The following NRXN3 variants were observed in gnomAD, a reference collection of about 807,000 sequenced individuals.
NRXN3 encodes neurexin 3.
NRXN3 carries 32 observed loss-of-function variants against 137.6 expected under a neutral mutation model. That is an observed-to-expected ratio of 0.23 (90% CI 0.18 to 0.31). NRXN3 has a LOEUF of 0.31. Among genes scored for constraint, NRXN3 ranks in the 10% least tolerant of loss-of-function variants. The probability of loss-of-function intolerance (pLI) is 1.00; values close to 1 mark genes in which losing one functional copy is unlikely to be tolerated. For missense variants in NRXN3, 1,574 were observed against 2,062.5 expected (o/e 0.76, Z 4.59); for synonymous variants, 798 against 784.5 (o/e 1.02, Z -0.29).
chr14:78,892,701 A>C (rs2099162563), intron 10 of NRXN3, among the ~76,000 whole-genome samples: 1 of 150,762 alleles, frequency 6.6e-6, no homozygotes, highest in South Asian at 2.1e-4. Context: ...GAATCATGTT[A>C]TCTCTGCTCT....
intron 4 of NRXN3, among the ~76,000 whole-genome samples, chr14:78,419,985 A>AG (rs2093366214): frequency 3.5e-5 from 1 of 28,806 alleles, no homozygotes; most frequent in South Asian, 1.4e-3. Flanking sequence ...ACACACACAC[A>AG]CGTAAAGTCC....
rs923540457 is a variant in NRXN3, at chr14:78,849,578, A to G, written c.2275+39234A>G. Among the ~76,000 whole-genome samples the G allele has an allele frequency of 1.1e-4, 17 of 152,156 alleles. 1 individual carries two copies. Among genetic ancestry groups the G allele is most frequent in the Admixed American group, 8.5e-4 (13 of 15,258 alleles). ...CATAAGTTTACATCTTACGCTAAAA[A>G]TGTTGTTTAAATTTAGTTCAAAATG... On this transcript the variant is annotated intron_variant, in intron 10 of 20. Coordinates refer to ENST00000335750, the MANE Select transcript of NRXN3 (RefSeq NM_001330195.2).
At chr14:79,743,274 G>A (rs2098968828) in intron 19 of NRXN3, among the ~76,000 whole-genome samples, 1 of 152,188 alleles carries the variant, frequency 6.6e-6, no homozygotes, top group Admixed American at 6.5e-5. Flanking sequence ...GTGACTGTCG[G>A]TGGGTCACAA....
intron 4 of NRXN3, among the ~76,000 whole-genome samples, chr14:78,324,782 C>A (rs908579029): frequency 6.6e-6 from 1 of 151,890 alleles, no homozygotes; most frequent in Non-Finnish European, 1.5e-5. Flanking sequence ...TCAAGCTGGC[C>A]AGGGGGGAAG....
chr14:78,854,132 C>T (rs1460424516), intron 10 of NRXN3, among the ~76,000 whole-genome samples: 3 of 152,168 alleles, frequency 2.0e-5, no homozygotes, highest in East Asian at 1.9e-4. Flanking sequence ...CCTCTGATTA[C>T]GTGTTCTCTT....
At chr14:78,826,324 G>A (rs1373256587) in intron 10 of NRXN3, among the ~76,000 whole-genome samples, 1 of 152,164 alleles carries the variant, frequency 6.6e-6, no homozygotes, top group African/African-American at 2.4e-5. Context: ...GATTCTTTGT[G>A]TGGAGGCAGA....
At chr14:79,694,836 T>C (rs1327094357) in intron 18 of NRXN3, among the ~76,000 whole-genome samples, 2 of 151,888 alleles carry the variant, frequency 1.3e-5, no homozygotes, top group African/African-American at 4.8e-5. Context: ...TAATCCAAGG[T>C]ACAGGGAGCT....
chr14:79,824,137 T>A (rs1337999094), intron 20 of NRXN3, among the ~76,000 whole-genome samples: 1 of 152,202 alleles, frequency 6.6e-6, no homozygotes, highest in Non-Finnish European at 1.5e-5. Flanking sequence ...ATCTGCTGGT[T>A]AGATGAAAAG....
At position 78,831,970 on chromosome 14, in the gene NRXN3, A is replaced by G. The variant is rs185561468; in HGVS notation, c.2275+21626A>G. On this transcript the variant is annotated intron_variant, in intron 10 of 20. Transcript: ENST00000335750. ...TGGTGTACAAGAGTGGGGTAATACC[A>G]GCATGTTTCTCAGTGGGGAGTGGGG... is the stretch of plus-strand genomic sequence containing the variant. 1.8e-3 allele frequency among the ~76,000 whole-genome samples: 274 copies of G among 152,268 alleles called. 2 individuals carry two copies. The highest frequency in any genetic ancestry group is 6.1e-3 in the African/African-American group (253 of 41,558).
chr14:79,574,720 T>C (rs1665104898), intron 16 of NRXN3, among the ~76,000 whole-genome samples: 2 of 152,058 alleles, frequency 1.3e-5, no homozygotes, highest in South Asian at 4.1e-4. Flanking sequence ...GTCTATTCTT[T>C]AGAAGCGAGT....
chr14:79,389,321 C>T (rs1566986585), intron 15 of NRXN3, among the ~76,000 whole-genome samples: 1 of 152,158 alleles, frequency 6.6e-6, no homozygotes, highest in African/African-American at 2.4e-5. Context: ...AGGTGGAAAA[C>T]AAGAGAGAGA....
intron 10 of NRXN3, among the ~76,000 whole-genome samples, chr14:78,867,603 T>A (rs1449205581): frequency 2.6e-5 from 4 of 152,178 alleles, no homozygotes; most frequent in African/African-American, 9.6e-5. Flanking sequence ...TAACTGAATT[T>A]TCCCAGAAAA....
intron 10 of NRXN3, among the ~76,000 whole-genome samples, chr14:78,933,195 C>A (rs1319063843): frequency 6.6e-6 from 1 of 152,182 alleles, no homozygotes; most frequent in Non-Finnish European, 1.5e-5. Context: ...TCCTTTTTGA[C>A]TTTCTGGCAC....
intron 15 of NRXN3, among the ~76,000 whole-genome samples, chr14:79,191,551 A>G (rs942482836): frequency 1.3e-5 from 2 of 152,244 alleles, no homozygotes; most frequent in Non-Finnish European, 2.9e-5. Flanking sequence ...CCTGACAAAG[A>G]GAAAATAGAA....
At chr14:79,706,596 T>C (rs1033739145) in intron 19 of NRXN3, among the ~76,000 whole-genome samples, 13 of 152,054 alleles carry the variant, frequency 8.5e-5, no homozygotes, top group African/African-American at 2.9e-4. Flanking sequence ...TGCTCTCTTA[T>C]CTGTAAACAC....
intron 16 of NRXN3, among the ~76,000 whole-genome samples, chr14:79,516,976 T>A (rs1350150941): frequency 2.0e-5 from 3 of 152,062 alleles, no homozygotes; most frequent in African/African-American, 7.2e-5. Flanking sequence ...TGTTTGAGAG[T>A]ATGTGTTGAA....
At chr14:78,225,894 G>C (rs17754806) in intron 1 of NRXN3, among the ~76,000 whole-genome samples, 38,708 of 151,664 alleles carry the variant, frequency 0.26, 5,139 homozygotes, top group Middle Eastern at 0.29. Flanking sequence ...AACCCTGGCT[G>C]GGATCTTTGG....
At chr14:78,981,942 A>T (rs2099490527) in intron 14 of NRXN3, among the ~76,000 whole-genome samples, 1 of 152,188 alleles carries the variant, frequency 6.6e-6, no homozygotes, top group South Asian at 2.1e-4. Context: ...TCACAAAATG[A>T]TCATCTAGAA....
intron 4 of NRXN3, among the ~76,000 whole-genome samples, chr14:78,455,159 A>AACTGC (rs1464478392): frequency 2.0e-5 from 3 of 152,312 alleles, no homozygotes; most frequent in Non-Finnish European, 4.4e-5. Flanking sequence ...CAAGTGTCGC[A>AACTGC]ACTGCACTGC....
Sources: allele counts gnomAD v4.1 joint callset (sites outside exome capture counted in the v4.1 genomes callset), GRCh38; gene constraint gnomAD v4.1.1; transcripts MANE v1.5; gene names NCBI Gene and HGNC (gene_info 2026-07-23, HGNC 2026-07-21).